The following ZNF624 variants were observed in gnomAD, a reference collection of about 807,000 sequenced individuals.
ZNF624 encodes the protein zinc finger protein 624.
A neutral mutation model predicts 74.7 loss-of-function variants in ZNF624; 43 were observed. That is an observed-to-expected ratio of 0.58 (90% CI 0.45 to 0.74). The LOEUF is 0.74. Among genes scored for constraint, ZNF624 ranks in the 30% least tolerant of loss-of-function variants. ZNF624 has a pLI of 0.00. For missense variants in ZNF624, 820 were observed against 1,030.0 expected (o/e 0.80, Z 2.79); for synonymous variants, 331 against 341.3 (o/e 0.97, Z 0.33).
At chr17:16,641,575 T>C (rs961437326) in intron 3 of ZNF624, among the ~76,000 whole-genome samples, 2 of 152,230 alleles carry the variant, frequency 1.3e-5, no homozygotes, top group Non-Finnish European at 2.9e-5. Flanking sequence ...TGGGCCACCA[T>C]GCCCAGACAT....
At chr17:16,646,719 A>G (rs78399060) in intron 3 of ZNF624, among the ~76,000 whole-genome samples, 2 of 152,354 alleles carry the variant, frequency 1.3e-5, no homozygotes, top group Non-Finnish European at 2.9e-5. Context: ...CTACAAGTTA[A>G]TATCTAACTT....
At chr17:16,636,282 T>C (rs1194751791) in intron 3 of ZNF624, among the ~76,000 whole-genome samples, 2 of 152,246 alleles carry the variant, frequency 1.3e-5, no homozygotes, top group Admixed American at 1.3e-4. Flanking sequence ...CTTTCTTACC[T>C]ATGCAAAGTA....
At chr17:16,618,800 T>A (rs1205082294), downstream of ZNF624, among the ~76,000 whole-genome samples, 1 of 152,170 alleles carries the variant, frequency 6.6e-6, no homozygotes, top group Admixed American at 6.5e-5. Context: ...CTTAATCATA[T>A]TTTTTCTCTA....
rs868475670 is a variant in ZNF624 at position 16,623,374 on chromosome 17, T to G, written c.1512A>C (p.Glu504Asp). The change falls in exon 6 of 6, where the codon GAA (glutamate) becomes GAC (aspartate). Residue 504 changes from glutamate to aspartate, a missense_variant. Transcript: ENST00000311331. This position sits in a 1 kb window ranked among gnomAD's most constrained non-coding sequence, Gnocchi z 5.3. ...HTGEKPYECN[E>D]CGKAFNRIAN... ...CGATGCGGTTGAATGCTTTCCCACA[T>G]TCATTACATTCATAGGGTTTTTCCC... 1 of 1,613,874 alleles carries G rather than the reference T, an allele frequency of 6.2e-7. No homozygotes were observed. Among genetic ancestry groups the G allele is most frequent in the African/African-American group, 1.3e-5 (1 of 75,038 alleles).
chr17:16,645,098 C>T (rs1338068582), intron 3 of ZNF624, among the ~76,000 whole-genome samples: 1 of 152,214 alleles, frequency 6.6e-6, no homozygotes, highest in Non-Finnish European at 1.5e-5. Context: ...CCTATCACAT[C>T]CCTGATCTCA....
chr17:16,647,890 C>T (rs546257929), intron 2 of ZNF624, among the ~76,000 whole-genome samples: 139 of 152,020 alleles, frequency 9.1e-4, no homozygotes, highest in Non-Finnish European at 1.7e-3. Flanking sequence ...AACTTAGAAA[C>T]TGTATCTCCA....
chr17:16,626,941 GCTACT>G (rs544731807), intron 5 of ZNF624, among the ~76,000 whole-genome samples: 197 of 152,174 alleles, frequency 1.3e-3, no homozygotes, highest in African/African-American at 4.6e-3. Flanking sequence ...TATAATCCCA[GCTACT>G]CGGGAGGCTG....
intron 3 of ZNF624, among the ~76,000 whole-genome samples, chr17:16,636,116 T>G (rs1371453685): frequency 6.6e-6 from 1 of 152,192 alleles, no homozygotes; most frequent in African/African-American, 2.4e-5. Context: ...GCCAATGATA[T>G]GACAATTTGA....
intron 3 of ZNF624, among the ~76,000 whole-genome samples, chr17:16,635,470 G>A (rs1161424973): frequency 6.6e-6 from 1 of 150,830 alleles, no homozygotes; most frequent in African/African-American, 2.4e-5. Flanking sequence ...TATTATAAAT[G>A]AAATAAAAAA....
intron 3 of ZNF624, among the ~76,000 whole-genome samples, chr17:16,646,849 G>T (rs978108657): frequency 2.0e-5 from 3 of 151,954 alleles, no homozygotes; most frequent in African/African-American, 7.3e-5. Context: ...ACTCTGAAAT[G>T]GCCTACATTT....
At chr17:16,626,777 C>T (rs941409512) in intron 5 of ZNF624, among the ~76,000 whole-genome samples, 1 of 151,842 alleles carries the variant, frequency 6.6e-6, no homozygotes, top group African/African-American at 2.4e-5. Flanking sequence ...TAAATGAAGG[C>T]CGGGCACAGT....
downstream of ZNF624, chr17:16,617,368 T>A: frequency 6.2e-7 from 1 of 1,613,612 alleles, no homozygotes; most frequent in Non-Finnish European, 8.5e-7. Context: ...ATTTCTGCCA[T>A]TTATTTCTGT....
downstream of ZNF624, among the ~76,000 whole-genome samples, chr17:16,618,716 G>A (rs1314565076): frequency 6.6e-6 from 1 of 152,172 alleles, no homozygotes; most frequent in Non-Finnish European, 1.5e-5. Flanking sequence ...ACGTGAAGAC[G>A]ATGAGGATAA....
chr17:16,622,799 T>C lies in ZNF624; in HGVS notation c.2087A>G (p.Tyr696Cys), dbSNP rs748762400. 1 of 1,613,994 alleles carries C rather than the reference T, an allele frequency of 6.2e-7. No homozygotes were observed. The highest frequency in any genetic ancestry group is 8.5e-7 in the Non-Finnish European group (1 of 1,179,982). ...AACCTTTCCACATTCATTGCATTTA[T>C]AGGGCTTCTCTCCAGTATGCCTTCG... Reference protein sequence around the residue: ...HQRRHTGEKPYKCNECGKVFT... With the variant: ...HQRRHTGEKPCKCNECGKVFT... The change falls in exon 6 of 6, where the codon TAT (tyrosine) becomes TGT (cysteine). Residue 696 changes from tyrosine to cysteine, a missense_variant. Transcript: ENST00000311331.
At chr17:16,639,310 T>C (rs1452575508) in intron 3 of ZNF624, among the ~76,000 whole-genome samples, 1 of 152,200 alleles carries the variant, frequency 6.6e-6, no homozygotes, top group Non-Finnish European at 1.5e-5. Flanking sequence ...TGTATATATA[T>C]ATCCCTTTGT....
chr17:16,615,956 C>CATACATACATAT (rs58603208), downstream of ZNF624, among the ~76,000 whole-genome samples: 1 of 90,308 alleles, frequency 1.1e-5, no homozygotes, highest in Non-Finnish European at 2.4e-5. Flanking sequence ...ATTCCATATA[C>CATACATACATAT]ATATATATAT....
rs1210947667 is a variant in ZNF624, at chr17:16,623,563, C to T, written c.1323G>A (p.Glu441=). 1.2e-6 allele frequency: 2 copies of T among 1,610,228 alleles called. No homozygotes were observed. Residue 441 remains glutamate, a synonymous_variant, in exon 6 of 6, where the codon GAG becomes GAA. Transcript: ENST00000311331. This position sits in a 1 kb window ranked among gnomAD's most constrained non-coding sequence, Gnocchi z 5.3. ...LSVHQKTHTE[E]KPYQCNECGK... ...CACACTCGTTGCACTGATATGGTTT[C>T]TCTTCAGTGTGGGTCTTCTGATGTA...
chr17:16,618,141 C>A (rs777007234), downstream of ZNF624, among the ~76,000 whole-genome samples: 1 of 151,988 alleles, frequency 6.6e-6, no homozygotes, highest in Non-Finnish European at 1.5e-5. Context: ...GAGTTCAAGA[C>A]CAGCCTAGCC....
intron 3 of ZNF624, among the ~76,000 whole-genome samples, chr17:16,642,919 G>A (rs1480812814): frequency 6.6e-6 from 1 of 152,168 alleles, no homozygotes; most frequent in Non-Finnish European, 1.5e-5. Flanking sequence ...CTCAAGAGAA[G>A]ATGCTGGAAG....
Sources: allele counts gnomAD v4.1 joint callset (sites outside exome capture counted in the v4.1 genomes callset), GRCh38; gene constraint gnomAD v4.1.1; non-coding constraint Gnocchi (gnomAD v3.1); transcripts MANE v1.5; gene names NCBI Gene and HGNC (gene_info 2026-07-23, HGNC 2026-07-21).